The following STK3 variants were observed in gnomAD, a reference collection of about 807,000 sequenced individuals.
The protein encoded by STK3 is serine/threonine kinase 3.
In STK3, 41 loss-of-function variants were observed where a neutral mutation model predicts 58.0. That is an observed-to-expected ratio of 0.71 (90% CI 0.55 to 0.92). The LOEUF (loss-of-function observed/expected upper bound fraction) is 0.92, where lower values mean the gene tolerates loss of function less well. STK3 is among the 40% of genes least tolerant of loss of function. The pLI is 0.00. For synonymous variants in STK3, 170 were observed against 191.0 expected (o/e 0.89, Z 0.91); for missense variants, 479 against 602.7 (o/e 0.79, Z 2.15).
At chr8:98,851,955 T>A (rs2131832167) in intron 3 of STK3, among the ~76,000 whole-genome samples, 1 of 152,080 alleles carries the variant, frequency 6.6e-6, no homozygotes, top group East Asian at 1.9e-4. Context: ...ATCACTGTAC[T>A]CCAGCCTTGG....
chr8:98,614,521 T>A (rs1817495730), intron 6 of STK3, among the ~76,000 whole-genome samples: 2 of 150,142 alleles, frequency 1.3e-5, no homozygotes, highest in Non-Finnish European at 3.0e-5. Flanking sequence ...AGAAGATGGG[T>A]GATTTCTGCA....
At chr8:98,446,393 G>A (rs1170493824) in intron 1 of STK3, among the ~76,000 whole-genome samples, 1 of 152,184 alleles carries the variant, frequency 6.6e-6, no homozygotes, top group Non-Finnish European at 1.5e-5. Flanking sequence ...GCTTGTTGAT[G>A]AGTAAAGAAA....
intron 1 of STK3, among the ~76,000 whole-genome samples, chr8:98,448,475 C>G (rs1296100323): frequency 6.6e-6 from 1 of 152,118 alleles, no homozygotes; most frequent in Non-Finnish European, 1.5e-5. Flanking sequence ...AGAAAGCTGT[C>G]ATAGAATAAG....
chr8:98,802,016 T>A (rs1833587648), intron 1 of STK3, among the ~76,000 whole-genome samples: 1 of 152,048 alleles, frequency 6.6e-6, no homozygotes, highest in South Asian at 2.1e-4. Flanking sequence ...TACAAAACAT[T>A]TTAAAATTAG....
chr8:98,717,178 C>T (rs1827082976), intron 4 of STK3, among the ~76,000 whole-genome samples: 1 of 150,976 alleles, frequency 6.6e-6, no homozygotes, highest in Non-Finnish European at 1.5e-5. Flanking sequence ...ACAAATTGGA[C>T]TTCATGAAAA....
At chr8:98,890,802 C>T (rs1176309178) in intron 1 of STK3, among the ~76,000 whole-genome samples, 1 of 152,216 alleles carries the variant, frequency 6.6e-6, no homozygotes, top group Non-Finnish European at 1.5e-5. Flanking sequence ...GGGTTCATGA[C>T]AATCCATTAT....
At chr8:98,665,802 C>A (rs1170443718) in intron 6 of STK3, among the ~76,000 whole-genome samples, 3 of 151,556 alleles carry the variant, frequency 2.0e-5, no homozygotes, top group Non-Finnish European at 2.9e-5. Flanking sequence ...CTCCTGGGTT[C>A]ACGCCATTCT....
intron 3 of STK3, among the ~76,000 whole-genome samples, chr8:98,861,372 T>TA (rs1836931599): frequency 1.4e-5 from 2 of 143,908 alleles, no homozygotes; most frequent in South Asian, 4.6e-4. Context: ...TTTTTTTTTT[T>TA]ACAGAGTCTC....
At chr8:98,797,653 A>C (rs2131608976) in intron 1 of STK3, among the ~76,000 whole-genome samples, 2 of 152,322 alleles carry the variant, frequency 1.3e-5, no homozygotes, top group Middle Eastern at 3.4e-3. Flanking sequence ...ATCAAACTGC[A>C]CACTTAGAGA....
intron 6 of STK3, among the ~76,000 whole-genome samples, chr8:98,610,851 T>G (rs1030179870): frequency 2.0e-4 from 31 of 152,200 alleles, no homozygotes; most frequent in African/African-American, 7.2e-4. Context: ...TAGCATAAAA[T>G]CATCCTGATT....
In STK3 at chr8:98,572,729, T is replaced by G. The variant is rs192008498; in HGVS notation, c.948+6935A>C. On this transcript the variant is annotated intron_variant, in intron 8 of 10. Transcript: ENST00000419617. ...GTATGTGTGTACATATTGTATATTT[T>G]CTATGCAGGGCAACAACAGATAAAA... 6.8e-3 allele frequency among the ~76,000 whole-genome samples: 1,029 copies of G among 152,332 alleles called. 8 individuals carry two copies. Among genetic ancestry groups the G allele is most frequent in the African/African-American group, 0.023 (965 of 41,578 alleles).
intron 1 of STK3, among the ~76,000 whole-genome samples, chr8:98,444,647 G>C (rs1563609951): frequency 6.6e-6 from 1 of 152,182 alleles, no homozygotes; most frequent in East Asian, 1.9e-4. Flanking sequence ...ATTAGTGATT[G>C]GATGGAAGAT....
intron 4 of STK3, among the ~76,000 whole-genome samples, chr8:98,724,502 G>T (rs919207835): frequency 4.6e-5 from 7 of 152,220 alleles, no homozygotes. Flanking sequence ...AAAATGGGAA[G>T]TCAGATTAGG....
intron 3 of STK3, among the ~76,000 whole-genome samples, chr8:98,865,280 T>A (rs1837091032): frequency 2.0e-5 from 3 of 152,170 alleles, no homozygotes; most frequent in Non-Finnish European, 2.9e-5. Context: ...GAAACCAGGT[T>A]AATTTTGCCA....
At position 98,428,270 on chromosome 8, in the gene STK3, T is replaced by C. The variant is rs746109274; in HGVS notation, n.483+5857A>G. On this transcript the variant is annotated intron_variant and non_coding_transcript_variant, in intron 3 of 3. Transcript: ENST00000517832. This position sits in a 1 kb window ranked among gnomAD's most constrained non-coding sequence, Gnocchi z 6.7. ...AGCTTCACGTCATGGCTGAGCTATG[T>C]GTCTTCTCCTTCAGCCAGGAGATCG... 6.2e-7 allele frequency: 1 copy of C among 1,614,128 alleles called. No homozygotes were observed. The highest frequency in any genetic ancestry group is 1.1e-5 in the South Asian group (1 of 91,078).
chr8:98,912,741 C>T (rs1406272637), intron 1 of STK3, among the ~76,000 whole-genome samples: 1 of 152,152 alleles, frequency 6.6e-6, no homozygotes, highest in Admixed American at 6.5e-5. Context: ...AGAAGTCTTC[C>T]ATTCAGAACT....
downstream of STK3, among the ~76,000 whole-genome samples, chr8:98,370,628 G>A (rs1482254153): frequency 6.6e-6 from 1 of 152,160 alleles, no homozygotes. Context: ...CAGCACAAAT[G>A]TGTGCCAGCC....
At chr8:98,941,787 CA>C (rs1236888402) in intron 1 of STK3, among the ~76,000 whole-genome samples, 1 of 152,246 alleles carries the variant, frequency 6.6e-6, no homozygotes, top group Non-Finnish European at 1.5e-5. Flanking sequence ...GGGGTTCAGG[CA>C]GCCGCTGCTC....
chr8:98,636,338 GAT>G (rs1209937866), intron 6 of STK3, among the ~76,000 whole-genome samples: 1 of 151,968 alleles, frequency 6.6e-6, no homozygotes, highest in Non-Finnish European at 1.5e-5. Flanking sequence ...ATACTATTTA[GAT>G]ACTAGATTTT....
Sources: gnomAD v4.1 joint callset for allele counts (sites outside exome capture counted in the v4.1 genomes callset) on GRCh38, gnomAD v4.1.1 for gene constraint, Gnocchi (gnomAD v3.1) non-coding constraint, MANE v1.5 for transcripts, NCBI Gene and HGNC (gene_info 2026-07-23, HGNC 2026-07-21) for gene names.